The following DOCK10 variants were observed in gnomAD, a reference collection of about 807,000 sequenced individuals.
The protein encoded by DOCK10 is dedicator of cytokinesis protein 10.
A neutral mutation model predicts 280.1 loss-of-function variants in DOCK10; 145 were observed. The ratio of observed to expected loss-of-function variants is 0.52; its 90% CI spans 0.45 to 0.59. DOCK10 has a LOEUF of 0.59. Ranked by LOEUF, DOCK10 falls within the 20% of genes least tolerant of loss-of-function variation. DOCK10 has a pLI of 0.00. For synonymous variants in DOCK10, 915 were observed against 942.2 expected, an observed-to-expected ratio of 0.97 and a Z score of 0.53; for missense variants, 2,368 against 2,651.7, an observed-to-expected ratio of 0.89 and a Z score of 2.35.
At chr2:225,022,919 G>C (rs989768762) in intron 1 of DOCK10, among the ~76,000 whole-genome samples, 1 of 152,162 alleles carries the variant, frequency 6.6e-6, no homozygotes, top group African/African-American at 2.4e-5. Flanking sequence ...AAGTAATGAA[G>C]CCCATAAATT....
At chr2:224,915,802 T>A (rs1475205508) in intron 3 of DOCK10, among the ~76,000 whole-genome samples, 1 of 152,240 alleles carries the variant, frequency 6.6e-6, no homozygotes, top group Non-Finnish European at 1.5e-5. Flanking sequence ...GTAGCTGCTA[T>A]GCACTGGCTC....
chr2:224,825,357 T>C (rs905355347), intron 27 of DOCK10, among the ~76,000 whole-genome samples: 1 of 152,230 alleles, frequency 6.6e-6, no homozygotes, highest in Non-Finnish European at 1.5e-5. Flanking sequence ...TTACTCTCTA[T>C]ATATTTAAAA....
Position 224,773,359 on chromosome 2 carries a change from C to T in DOCK10, c.6014-12G>A, listed in dbSNP as rs1349849170. Reference sequence around the variant, plus strand: ...GAACAGGTGACTCGCTGTACAAAAGCCATACAAAGGGATTTCAAGGTTGAG... The same window carrying T: ...GAACAGGTGACTCGCTGTACAAAAGTCATACAAAGGGATTTCAAGGTTGAG... On this transcript the variant is annotated splice_polypyrimidine_tract_variant and intron_variant, in intron 52 of 55. Transcript: ENST00000258390. The T allele has an allele frequency of 1.9e-6, 3 of 1,600,424 alleles. No homozygotes were observed. Among genetic ancestry groups the T allele is most frequent in the Non-Finnish European group, 1.7e-6 (2 of 1,173,090 alleles).
chr2:224,792,173 C>T (rs1278042118), intron 47 of DOCK10, among the ~76,000 whole-genome samples: 1 of 152,000 alleles, frequency 6.6e-6, no homozygotes, highest in Non-Finnish European at 1.5e-5. Flanking sequence ...GAAATCTGTA[C>T]CATAAGCCAT....
At position 224,874,364 on chromosome 2, in the gene DOCK10, G is replaced by A. The variant is rs370543236; in HGVS notation, c.1018-15C>T. 430 of 1,595,254 alleles carry A rather than the reference G, an allele frequency of 2.7e-4. No homozygotes were observed. The highest frequency in any genetic ancestry group is 2.9e-4 in the Non-Finnish European group (344 of 1,166,728). On this transcript the variant is annotated splice_polypyrimidine_tract_variant and intron_variant, in intron 9 of 55. Coordinates refer to ENST00000258390, the MANE Select transcript of DOCK10 (RefSeq NM_014689.3). ...TCTGTGAGGTACTACAGAGAAAATT[G>A]TGTTAGTCCTTGGTATCTAAATATC...
In DOCK10 at chr2:224,794,724, T is replaced by C. The variant is rs113765837; in HGVS notation, c.5154+155A>G. 7.5e-4 allele frequency among the ~76,000 whole-genome samples: 115 copies of C among 152,342 alleles called. 1 individual carries two copies. The highest frequency in any genetic ancestry group is 2.5e-3 in the African/African-American group (104 of 41,580). On this transcript the variant is annotated intron_variant, in intron 45 of 55. Coordinates refer to ENST00000258390, the MANE Select transcript of DOCK10 (RefSeq NM_014689.3). ...TAGCGTTAGGTATCCTTGAATGCTATATGGAAATGTATTGTATATGATATA... is the reference window on the plus strand; with the variant it reads ...TAGCGTTAGGTATCCTTGAATGCTACATGGAAATGTATTGTATATGATATA...
At chr2:225,018,804 TAC>T (rs1199550717) in intron 1 of DOCK10, among the ~76,000 whole-genome samples, 5 of 147,858 alleles carry the variant, frequency 3.4e-5, no homozygotes, top group African/African-American at 9.9e-5. Flanking sequence ...TAAATATATA[TAC>T]AGATATATAT....
At chr2:224,813,693 T>C (rs1408035571) in intron 31 of DOCK10, among the ~76,000 whole-genome samples, 1 of 152,144 alleles carries the variant, frequency 6.6e-6, no homozygotes. Context: ...CAATAGCAAA[T>C]TAAACATACT....
chr2:224,786,115 G>A lies in DOCK10; in HGVS notation c.5655+907C>T, dbSNP rs1574817627. On this transcript the variant is annotated intron_variant, in intron 50 of 55. Transcript: ENST00000258390. The surrounding 1 kb of genome is among the most constrained non-coding windows in gnomAD (Gnocchi z 4.7). ...GGAGGCTGAGGCAGGAGAATTGCTT[G>A]AACCGGGACCCAGGAGGCGGAGGTT... 6.6e-6 allele frequency among the ~76,000 whole-genome samples: 1 copy of A among 152,284 alleles called. No homozygotes were observed. The highest frequency in any genetic ancestry group is 1.9e-4 in the East Asian group (1 of 5,156).
At chr2:225,023,925 T>C (rs1323127960) in intron 1 of DOCK10, among the ~76,000 whole-genome samples, 1 of 152,220 alleles carries the variant, frequency 6.6e-6, no homozygotes, top group Admixed American at 6.5e-5. Context: ...ACCTAGTAAC[T>C]TTACAGAGGA....
In DOCK10 at chr2:224,970,235, G is replaced by A. The variant is rs191291333; in HGVS notation, c.124-38567C>T. On this transcript the variant is annotated intron_variant, in intron 1 of 55. Coordinates refer to ENST00000258390, the MANE Select transcript of DOCK10 (RefSeq NM_014689.3). The surrounding 1 kb of genome is among the most constrained non-coding windows in gnomAD (Gnocchi z 4.6). Reference sequence around the variant, plus strand: ...TTTCTATGATGCAGGTGGGCAGCAGGTATTTTCCTCATTTTACAGATTAAA... The same window carrying A: ...TTTCTATGATGCAGGTGGGCAGCAGATATTTTCCTCATTTTACAGATTAAA... 4.6e-5 allele frequency among the ~76,000 whole-genome samples: 7 copies of A among 152,274 alleles called. No homozygotes were observed. The highest frequency in any genetic ancestry group is 1.7e-4 in the African/African-American group (7 of 41,554).
chr2:224,812,111 C>T (rs1239862918), intron 31 of DOCK10, among the ~76,000 whole-genome samples: 1 of 152,102 alleles, frequency 6.6e-6, no homozygotes, highest in Non-Finnish European at 1.5e-5. Context: ...ATTCTTCCTA[C>T]CCATGAGCAT....
At chr2:224,780,114 A>G (rs1691205524) in intron 50 of DOCK10, among the ~76,000 whole-genome samples, 3 of 152,218 alleles carry the variant, frequency 2.0e-5, no homozygotes, top group Non-Finnish European at 4.4e-5. Context: ...TTATTGAACA[A>G]TTTCTTCGAG....
rs1703979909 is a variant in DOCK10 at position 224,955,388 on chromosome 2, C to CGTAA, written c.124-23721_124-23720insTTAC. Among the ~76,000 whole-genome samples the CGTAA allele has an allele frequency of 2.6e-5, 4 of 152,254 alleles. 1 individual carries two copies. The highest frequency in any genetic ancestry group is 2.6e-4 in the Admixed American group (4 of 15,308). ...AATGGAAGGCAATAAAGCATTATTA[C>CGTAA]CTAAGCAATTTTGAGAAGGAAACTA... On this transcript the variant is annotated intron_variant, in intron 1 of 55. Coordinates refer to ENST00000258390, the MANE Select transcript of DOCK10 (RefSeq NM_014689.3).
intron 47 of DOCK10, among the ~76,000 whole-genome samples, chr2:224,792,229 AT>A (rs1692245774): frequency 6.6e-6 from 1 of 152,204 alleles, no homozygotes; most frequent in African/African-American, 2.4e-5. Flanking sequence ...GAAATGGAAC[AT>A]GCTGATTATA....
At chr2:224,886,224 T>C (rs1699272389) in intron 5 of DOCK10, 39 bp from the exon 6 acceptor site, 1 of 1,613,170 alleles carries the variant, frequency 6.2e-7, no homozygotes, top group Middle Eastern at 1.7e-4. Flanking sequence ...CCATCTTTTG[T>C]GGATCCTAGA....
chr2:224,975,422 G>T (rs576234385), intron 1 of DOCK10, among the ~76,000 whole-genome samples: 1 of 152,286 alleles, frequency 6.6e-6, no homozygotes, highest in South Asian at 2.1e-4. Flanking sequence ...AGGGGAATCT[G>T]ATAATATTCA....
chr2:224,940,118 G>A (rs1702943283), intron 1 of DOCK10, among the ~76,000 whole-genome samples: 1 of 152,168 alleles, frequency 6.6e-6, no homozygotes, highest in African/African-American at 2.4e-5. Context: ...GCCGAACTCT[G>A]AATCTTGAGT....
At chr2:224,870,246 G>A (rs912885714) in intron 11 of DOCK10, among the ~76,000 whole-genome samples, 3 of 152,116 alleles carry the variant, frequency 2.0e-5, no homozygotes, top group Non-Finnish European at 4.4e-5. Flanking sequence ...CATGATGATT[G>A]TAAGTTTCTT....
Sources: gnomAD v4.1 joint callset for allele counts (sites outside exome capture counted in the v4.1 genomes callset) on GRCh38, gnomAD v4.1.1 for gene constraint, Gnocchi (gnomAD v3.1) non-coding constraint, MANE v1.5 for transcripts, NCBI Gene and HGNC (gene_info 2026-07-23, HGNC 2026-07-21) for gene names.